ADAMTSL1: variants seen among roughly 807,000 people sequenced by gnomAD.
ADAMTSL1 encodes the protein ADAMTS like 1.
ADAMTSL1 carries 126 observed loss-of-function variants against 201.8 expected under a neutral mutation model. The observed-to-expected ratio is 0.62, with a 90% CI of 0.54 to 0.72. The LOEUF (loss-of-function observed/expected upper bound fraction) is 0.72. Among genes scored for constraint, ADAMTSL1 ranks in the 30% least tolerant of loss-of-function variants. The probability of loss-of-function intolerance (pLI) is 0.00; values close to 1 mark genes in which losing one functional copy is unlikely to be tolerated. For missense variants in ADAMTSL1, 2,679 were observed against 2,277.8 expected (o/e 1.18, Z -3.59); for synonymous variants, 1,121 against 903.4 (o/e 1.24, Z -4.32).
At chr9:18,020,318 C>T (rs376682785) in intron 1 of ADAMTSL1, among the ~76,000 whole-genome samples, 1 of 152,034 alleles carries the variant, frequency 6.6e-6, no homozygotes, top group Non-Finnish European at 1.5e-5. Flanking sequence ...ACTGCAAAAG[C>T]GATGGGATGT....
At chr9:18,759,303 T>A (rs951013897) in intron 16 of ADAMTSL1, among the ~76,000 whole-genome samples, 1 of 152,156 alleles carries the variant, frequency 6.6e-6, no homozygotes, top group Non-Finnish European at 1.5e-5. Flanking sequence ...CTGCTAGTGA[T>A]ACAAAGAAAA....
intron 1 of ADAMTSL1, among the ~76,000 whole-genome samples, chr9:17,947,148 A>C (rs570940741): frequency 6.6e-6 from 1 of 151,172 alleles, no homozygotes; most frequent in South Asian, 2.1e-4. Context: ...ATATATTTAT[A>C]GTTAACTATA....
intron 1 of ADAMTSL1, among the ~76,000 whole-genome samples, chr9:17,907,895 C>G (rs890694719): frequency 5.9e-5 from 9 of 152,144 alleles, no homozygotes; most frequent in African/African-American, 2.2e-4. Flanking sequence ...TTGGGTAATT[C>G]TGGGAAAATA....
At chr9:18,774,246 A>G (rs1820852805) in intron 17 of ADAMTSL1, among the ~76,000 whole-genome samples, 1 of 151,708 alleles carries the variant, frequency 6.6e-6, no homozygotes, top group South Asian at 2.1e-4. Context: ...CTCTTTCATC[A>G]TGTCACCCCC....
chr9:18,273,718 C>T lies in ADAMTSL1; in HGVS notation c.207+109737C>T, dbSNP rs527313505. Among the ~76,000 whole-genome samples the T allele has an allele frequency of 3.9e-5, 6 of 152,306 alleles. No homozygotes were observed. The South Asian group carries it at 1.0e-3, about 26-fold the overall frequency. On this transcript the variant is annotated intron_variant, in intron 2 of 29. Coordinates refer to the ADAMTSL1 transcript ENST00000680146. ...AAGCCAAATTCAGATTCATTTCACTCACAATGCCAACCATGTGGTCAACTT... is the reference window on the plus strand; with the variant it reads ...AAGCCAAATTCAGATTCATTTCACTTACAATGCCAACCATGTGGTCAACTT...
intron 4 of ADAMTSL1, among the ~76,000 whole-genome samples, chr9:18,597,826 T>C (rs1427362640): frequency 1.3e-5 from 2 of 152,168 alleles, no homozygotes; most frequent in Non-Finnish European, 2.9e-5. Flanking sequence ...AACATAATTG[T>C]ACCCAAGTTT....
intron 2 of ADAMTSL1, among the ~76,000 whole-genome samples, chr9:18,515,400 T>C (rs1818304953): frequency 6.6e-6 from 1 of 152,194 alleles, no homozygotes; most frequent in Admixed American, 6.5e-5. Flanking sequence ...AGTGGTGCCA[T>C]CTCGGCTCAC....
At chr9:18,284,729 C>A (rs1004681311) in intron 2 of ADAMTSL1, among the ~76,000 whole-genome samples, 2 of 152,050 alleles carry the variant, frequency 1.3e-5, no homozygotes, top group African/African-American at 4.8e-5. Flanking sequence ...TACTACTGCT[C>A]GTATTTTATT....
chr9:18,471,447 T>A, upstream of ADAMTSL1, among the ~76,000 whole-genome samples: 1 of 152,172 alleles, frequency 6.6e-6, no homozygotes, highest in East Asian at 1.9e-4. Context: ...CAAAAAGTAG[T>A]CACAAAGGTC....
chr9:18,451,032 G>T (rs1001832424), intron 2 of ADAMTSL1, among the ~76,000 whole-genome samples: 2 of 152,162 alleles, frequency 1.3e-5, no homozygotes, highest in African/African-American at 4.8e-5. Context: ...ATACCCAGGG[G>T]TAAGACACCA....
intron 1 of ADAMTSL1, among the ~76,000 whole-genome samples, chr9:18,147,923 G>C (rs1363886268): frequency 1.3e-5 from 2 of 152,002 alleles, no homozygotes; most frequent in African/African-American, 4.8e-5. Context: ...CTTCTCTTTG[G>C]CATTTTAGGA....
chr9:18,406,658 T>A (rs1000710992), intron 2 of ADAMTSL1, among the ~76,000 whole-genome samples: 1 of 152,132 alleles, frequency 6.6e-6, no homozygotes, highest in African/African-American at 2.4e-5. Context: ...GGAAGAAATT[T>A]TAATGGAAAA....
chr9:17,913,227 G>T (rs1300276556), intron 1 of ADAMTSL1, among the ~76,000 whole-genome samples: 2 of 152,070 alleles, frequency 1.3e-5, no homozygotes, highest in African/African-American at 2.4e-5. Context: ...TTCCAATTCT[G>T]TGAAGAAAGT....
intron 21 of ADAMTSL1, among the ~76,000 whole-genome samples, chr9:18,817,789 C>T (rs1358835208): frequency 1.3e-5 from 2 of 152,184 alleles, no homozygotes; most frequent in African/African-American, 4.8e-5. Context: ...GGCCTGAACT[C>T]AGGGCAGTGA....
rs539584372 is a variant in ADAMTSL1, at chr9:18,033,872, C to A, written c.87+126950C>A. Among the ~76,000 whole-genome samples, 3 of 152,270 alleles carry A rather than the reference C, an allele frequency of 2.0e-5. No individual in the cohort carries two copies. The East Asian group carries it at 5.8e-4, about 29-fold the overall frequency. ...CACATAACCCAACATAGTAGATGTC[C>A]AGTATATTTTTGTTGGTTATTTTCT... On this transcript the variant is annotated intron_variant, in intron 1 of 29. Coordinates refer to the ADAMTSL1 transcript ENST00000680146.
intron 1 of ADAMTSL1, among the ~76,000 whole-genome samples, chr9:17,986,476 A>G (rs10963382): frequency 0.035 from 5,337 of 152,152 alleles, 154 homozygotes; most frequent in South Asian, 0.12. Flanking sequence ...CAATGTGAAC[A>G]ATTATCAGAA....
rs192164547 is a variant in ADAMTSL1 at position 18,602,287 on chromosome 9, T to A, written c.475-19956T>A. On this transcript the variant is annotated intron_variant, in intron 4 of 28. Transcript: ENST00000380548. ...GGAAAACTTCTGTCTTGGTTCATAC[T>A]AAAATCTTTTTGCACTAGGACAAAA... Among the ~76,000 whole-genome samples the A allele has an allele frequency of 3.3e-5, 5 of 152,364 alleles. No individual in the cohort carries two copies. The East Asian group carries it at 9.6e-4, about 29-fold the overall frequency.
intron 23 of ADAMTSL1, among the ~76,000 whole-genome samples, chr9:18,874,479 C>T (rs1157983079): frequency 6.6e-6 from 1 of 152,012 alleles, no homozygotes; most frequent in Non-Finnish European, 1.5e-5. Context: ...GCCAATTTTG[C>T]TGAGGGTTCT....
intron 1 of ADAMTSL1, among the ~76,000 whole-genome samples, chr9:18,017,877 C>G (rs1426174010): frequency 6.6e-6 from 1 of 152,050 alleles, no homozygotes; most frequent in African/African-American, 2.4e-5. Flanking sequence ...TAATCTCCCT[C>G]TGCTAAAATA....
Sources: allele counts gnomAD v4.1 joint callset (sites outside exome capture counted in the v4.1 genomes callset), GRCh38; gene constraint gnomAD v4.1.1; transcripts MANE v1.5; gene names NCBI Gene and HGNC (gene_info 2026-07-23, HGNC 2026-07-21).